Variants in ZNF717 observed in about 807,000 individuals in gnomAD.
ZNF717 encodes the protein krueppel-like factor X17.
A neutral mutation model predicts 13.8 loss-of-function variants in ZNF717; 9 were observed. The ratio of observed to expected loss-of-function variants is 0.65; its 90% CI spans 0.39 to 1.14. The LOEUF is 1.14. Among genes scored for constraint, ZNF717 ranks in the 50% most tolerant of loss-of-function variants. ZNF717 has a pLI of 0.01. For synonymous variants in ZNF717, 327 were observed against 364.1 expected (o/e 0.90, Z 1.16); for missense variants, 1,040 against 1,080.7 (o/e 0.96, Z 0.53).
chr3:75,755,781 A>G (rs1942418959), intron 2 of ZNF717, among the ~76,000 whole-genome samples: 1 of 152,282 alleles, frequency 6.6e-6, no homozygotes, highest in Non-Finnish European at 1.5e-5. Flanking sequence ...AAAATCATCA[A>G]TGAAAACTGC....
chr3:75,725,707 G>A, downstream of ZNF717, among the ~76,000 whole-genome samples: 1 of 152,212 alleles, frequency 6.6e-6, no homozygotes. Flanking sequence ...GAGAGCATGT[G>A]TAGGGGAACT....
At chr3:75,761,568 G>A (rs1174470001) in intron 2 of ZNF717, among the ~76,000 whole-genome samples, 8 of 152,344 alleles carry the variant, frequency 5.3e-5, no homozygotes, top group African/African-American at 1.7e-4. Flanking sequence ...CATGCAAATT[G>A]GAAAGGGAGA....
At chr3:75,740,369 CT>C (rs1940230216) in intron 4 of ZNF717, among the ~76,000 whole-genome samples, 1 of 152,104 alleles carries the variant, frequency 6.6e-6, no homozygotes, top group South Asian at 2.1e-4. Context: ...AGCACCACCC[CT>C]ATCCAGGCCC....
intron 2 of ZNF717, among the ~76,000 whole-genome samples, chr3:75,746,565 A>T (rs1941192302): frequency 6.6e-6 from 1 of 152,100 alleles, no homozygotes; most frequent in Non-Finnish European, 1.5e-5. Flanking sequence ...CTTTTTAATG[A>T]TCGCCATTCT....
chr3:75,780,244 C>A (rs372253060), intron 2 of ZNF717, among the ~76,000 whole-genome samples: 2 of 147,700 alleles, frequency 1.4e-5, no homozygotes, highest in Admixed American at 1.3e-4. Context: ...ACGTGCTAAA[C>A]CCAGAAACCC....
intron 4 of ZNF717, among the ~76,000 whole-genome samples, chr3:75,717,429 G>A (rs1170697427): frequency 1.3e-5 from 2 of 152,206 alleles, no homozygotes; most frequent in Non-Finnish European, 2.9e-5. Flanking sequence ...GGAAGTTGAA[G>A]AACAATCAAG....
At chr3:75,723,307 T>C (rs1229036731) in intron 4 of ZNF717, among the ~76,000 whole-genome samples, 1 of 137,844 alleles carries the variant, frequency 7.3e-6, no homozygotes, top group Non-Finnish European at 1.5e-5. Context: ...TGGAGTGCAG[T>C]GGTGCAATCA....
chr3:75,772,142 C>T (rs1262074176), intron 2 of ZNF717, among the ~76,000 whole-genome samples: 1 of 152,240 alleles, frequency 6.6e-6, no homozygotes, highest in Admixed American at 6.5e-5. Context: ...CACCATGGGT[C>T]TCCTCTCAGC....
intron 2 of ZNF717, among the ~76,000 whole-genome samples, chr3:75,748,658 C>T (rs1393503897): frequency 6.6e-6 from 1 of 152,166 alleles, no homozygotes; most frequent in African/African-American, 2.4e-5. Context: ...CGCTAAAAAA[C>T]TCTCAATGAA....
chr3:75,719,970 A>AATAATAAT (rs748007104), intron 4 of ZNF717, among the ~76,000 whole-genome samples: 3 of 146,194 alleles, frequency 2.1e-5, no homozygotes, highest in African/African-American at 5.0e-5. Context: ...AAATAATAAT[A>AATAATAAT]AATAATAATA....
At chr3:75,722,660 C>G (rs143510461) in intron 4 of ZNF717, among the ~76,000 whole-genome samples, 43 of 148,344 alleles carry the variant, frequency 2.9e-4, no homozygotes, top group African/African-American at 1.1e-3. Flanking sequence ...ACTAAAAATA[C>G]AAAAATTAGC....
intron 2 of ZNF717, among the ~76,000 whole-genome samples, chr3:75,765,035 A>ATATGTATGTGTG (rs1559662069): frequency 1.2e-5 from 1 of 81,798 alleles, no homozygotes; most frequent in African/African-American, 4.1e-5. Context: ...ATATATGTAT[A>ATATGTATGTGTG]TGTGTGTGTG....
intron 2 of ZNF717, among the ~76,000 whole-genome samples, chr3:75,775,753 T>C (rs941057564): frequency 7.3e-5 from 11 of 150,092 alleles, no homozygotes; most frequent in African/African-American, 2.5e-4. Flanking sequence ...CTCGGGAGGC[T>C]GAGGAGGAGA....
downstream of ZNF717, among the ~76,000 whole-genome samples, chr3:75,725,683 G>A (rs80177370): frequency 7.2e-6 from 1 of 139,458 alleles, no homozygotes; most frequent in African/African-American, 2.5e-5. Flanking sequence ...GGTCTTACAC[G>A]GCAGCAGACA....
In ZNF717 at chr3:75,736,405, A is replaced by T. The variant is rs1183985814; in HGVS notation, c.*473T>A. 2.6e-5 allele frequency: 4 copies of T among 156,084 alleles called. No individual in the cohort carries two copies. The highest frequency in any genetic ancestry group is 2.5e-4 in the Admixed American group (4 of 15,954). The allele number at this position is 156,084 out of a possible 1,614,324, so 9.7% of individuals were successfully genotyped here. ...CATCAGCTACTCAAGTTGTGAATGC[A>T]AAGAAAAAGTTCTTGAAGGATGTTA... On this transcript the variant is annotated 3_prime_UTR_variant, in exon 5 of 5. Coordinates refer to ENST00000652011, the MANE Select transcript of ZNF717 (RefSeq NM_001290208.3).
chr3:75,770,204 C>T (rs1469988605), intron 2 of ZNF717, among the ~76,000 whole-genome samples: 1 of 152,218 alleles, frequency 6.6e-6, no homozygotes, highest in Non-Finnish European at 1.5e-5. Context: ...AACAAAGCTT[C>T]TGTGCTTGTT....
intron 2 of ZNF717, among the ~76,000 whole-genome samples, chr3:75,753,992 G>T (rs1244765698): frequency 6.6e-6 from 1 of 152,190 alleles, no homozygotes; most frequent in Admixed American, 6.5e-5. Context: ...CCGCACACAG[G>T]ATTCTAGAAC....
intron 4 of ZNF717, chr3:75,716,579 G>A (rs1428216265): frequency 6.6e-6 from 1 of 152,192 alleles, no homozygotes; most frequent in African/African-American, 2.4e-5. Context: ...GAAAAAACAA[G>A]CTGTGAAAGA....
chr3:75,729,333 A>T (rs1938378125), downstream of ZNF717, among the ~76,000 whole-genome samples: 2 of 152,390 alleles, frequency 1.3e-5, no homozygotes, highest in African/African-American at 4.8e-5. Flanking sequence ...AAGAGCTATC[A>T]GACCAGGTGT....
Sources: allele counts gnomAD v4.1 joint callset (sites outside exome capture counted in the v4.1 genomes callset), GRCh38; gene constraint gnomAD v4.1.1; transcripts MANE v1.5; gene names NCBI Gene and HGNC (gene_info 2026-07-23, HGNC 2026-07-21).